Variants in PCCA observed in about 807,000 individuals in gnomAD.
PCCA encodes the protein propionyl-CoA carboxylase alpha chain, mitochondrial.
A neutral mutation model predicts 101.3 loss-of-function variants in PCCA; 74 were observed. That is an observed-to-expected ratio of 0.73 (90% CI 0.61 to 0.89). PCCA has a LOEUF of 0.89. Among genes scored for constraint, PCCA ranks in the 40% least tolerant of loss-of-function variants. The pLI is 0.00. For missense variants in PCCA, 891 were observed against 907.0 expected (o/e 0.98, Z 0.23); for synonymous variants, 294 against 313.6 (o/e 0.94, Z 0.66).
At chr13:100,089,313 G>A in intron 1 of PCCA, 88 bp downstream of exon 1, 1 of 1,327,222 alleles carries the variant, frequency 7.5e-7, no homozygotes, top group Non-Finnish European at 9.6e-7. Context: ...GAGAGCGCTG[G>A]CTGGGTCCGG....
chr13:100,515,534 G>T lies in PCCA; in HGVS notation c.2007G>T (p.Val669=). 6.2e-7 allele frequency: 1 copy of T among 1,614,072 alleles called. No homozygotes were observed. The highest frequency in any genetic ancestry group is 8.5e-7 in the Non-Finnish European group (1 of 1,180,008). Residue 669 remains valine (V), a synonymous_variant, in exon 22 of 24, where the codon GTG becomes GTT. Coordinates refer to ENST00000376285, the MANE Select transcript of PCCA (RefSeq NM_000282.4). The part of the protein sequence containing the change: ...SSVLRSPMPG[V]VVAVSVKPGD... ...TTCTGCGTTCCCCGATGCCCGGAGT[G>T]GTGGTGGCCGTCTCTGTCAAGCCTG...
chr13:100,120,363 C>T (rs994192520), intron 4 of PCCA, among the ~76,000 whole-genome samples: 5 of 151,820 alleles, frequency 3.3e-5, no homozygotes, highest in Non-Finnish European at 5.9e-5. Flanking sequence ...TTTTTCATCC[C>T]TTGTAGTTTT....
intron 14 of PCCA, among the ~76,000 whole-genome samples, chr13:100,303,888 A>G (rs528461631): frequency 6.6e-6 from 1 of 152,344 alleles, no homozygotes; most frequent in South Asian, 2.1e-4. Flanking sequence ...AATTGTGAAG[A>G]TTTAACAGGC....
intron 8 of PCCA, among the ~76,000 whole-genome samples, chr13:100,245,368 T>C (rs2152537839): frequency 6.6e-6 from 1 of 152,318 alleles, no homozygotes; most frequent in African/African-American, 2.4e-5. Context: ...AGTAATATGC[T>C]AAATTTAATT....
chr13:100,484,865 TG>T (rs1390675535), intron 21 of PCCA, among the ~76,000 whole-genome samples: 1 of 152,248 alleles, frequency 6.6e-6, no homozygotes, highest in Non-Finnish European at 1.5e-5. Context: ...GAGCCACTGC[TG>T]TGAACTCTTT....
chr13:100,429,502 G>A (rs1467236426), intron 20 of PCCA, among the ~76,000 whole-genome samples: 1 of 151,602 alleles, frequency 6.6e-6, no homozygotes, highest in Non-Finnish European at 1.5e-5. Flanking sequence ...GGATTTTTGA[G>A]CATACATATA....
intron 14 of PCCA, among the ~76,000 whole-genome samples, chr13:100,303,898 C>A (rs1440520553): frequency 6.6e-6 from 1 of 152,118 alleles, no homozygotes; most frequent in South Asian, 2.1e-4. Context: ...ATTTAACAGG[C>A]ATTATGTGAC....
intron 21 of PCCA, among the ~76,000 whole-genome samples, chr13:100,455,852 A>G (rs2081669060): frequency 6.6e-6 from 1 of 152,076 alleles, no homozygotes; most frequent in Non-Finnish European, 1.5e-5. Flanking sequence ...GGTGCATGCC[A>G]CCACACTCAG....
intron 12 of PCCA, among the ~76,000 whole-genome samples, chr13:100,274,541 T>C (rs1050696939): frequency 1.3e-5 from 2 of 152,086 alleles, no homozygotes; most frequent in African/African-American, 4.8e-5. Context: ...GCCGAGTGGG[T>C]TCCTTCCTGG....
At chr13:100,150,577 G>T in intron 4 of PCCA, 1 of 1,243,674 alleles carries the variant, frequency 8.0e-7, no homozygotes, top group Non-Finnish European at 1.2e-6. Flanking sequence ...CGTTTCCAAG[G>T]GCCAGGGCTC....
intron 8 of PCCA, among the ~76,000 whole-genome samples, chr13:100,246,661 T>A (rs1399468063): frequency 4.6e-5 from 7 of 151,848 alleles, no homozygotes; most frequent in South Asian, 4.2e-4. Context: ...GAAAAAAAAA[T>A]AGTTTTTTAT....
At chr13:100,378,973 A>G (rs114953584) in intron 19 of PCCA, among the ~76,000 whole-genome samples, 1,744 of 152,030 alleles carry the variant, frequency 0.011, 42 homozygotes, top group African/African-American at 0.04. Flanking sequence ...ATTCCTTTGG[A>G]GGTATCATAT....
At chr13:100,492,484 T>C (rs1002921787) in intron 21 of PCCA, among the ~76,000 whole-genome samples, 2 of 151,708 alleles carry the variant, frequency 1.3e-5, no homozygotes, top group African/African-American at 2.4e-5. Context: ...CAGAAGGGTG[T>C]TTGCAGCCTC....
At chr13:100,494,335 A>C (rs181676017) in intron 21 of PCCA, among the ~76,000 whole-genome samples, 3 of 152,238 alleles carry the variant, frequency 2.0e-5, no homozygotes, top group African/African-American at 7.2e-5. Flanking sequence ...CTTAGCATTC[A>C]CCTTCGGATG....
intron 4 of PCCA, among the ~76,000 whole-genome samples, chr13:100,145,734 C>G (rs760228161): frequency 6.6e-6 from 1 of 151,542 alleles, no homozygotes; most frequent in Non-Finnish European, 1.5e-5. Context: ...TGGTGACATA[C>G]ACCTGTAGTC....
intron 21 of PCCA, among the ~76,000 whole-genome samples, chr13:100,475,363 C>T (rs528709507): frequency 6.6e-6 from 1 of 152,322 alleles, no homozygotes; most frequent in East Asian, 1.9e-4. Flanking sequence ...CACTGATCTA[C>T]TTTCTGTCTG....
chr13:100,382,718 G>A (rs535962509), intron 19 of PCCA, among the ~76,000 whole-genome samples: 5 of 152,212 alleles, frequency 3.3e-5, no homozygotes, highest in African/African-American at 4.8e-5. Context: ...CATATTCCAA[G>A]CAAGCAATGA....
chr13:100,112,664 C>T (rs1342199355), intron 4 of PCCA, among the ~76,000 whole-genome samples: 1 of 147,986 alleles, frequency 6.8e-6, no homozygotes, highest in Admixed American at 6.8e-5. Context: ...ACAACCTCTG[C>T]CTCCTGGGTT....
intron 17 of PCCA, among the ~76,000 whole-genome samples, chr13:100,331,377 G>A (rs988703452): frequency 1.8e-4 from 27 of 152,164 alleles, no homozygotes; most frequent in African/African-American, 6.0e-4. Context: ...AGTGAGGTAT[G>A]AAGGTTAGAT....
Sources: allele counts gnomAD v4.1 joint callset (sites outside exome capture counted in the v4.1 genomes callset), GRCh38; gene constraint gnomAD v4.1.1; transcripts MANE v1.5; gene names NCBI Gene and HGNC (gene_info 2026-07-23, HGNC 2026-07-21).